FBLN2: variants seen among roughly 807,000 people sequenced by gnomAD.
FBLN2 encodes the protein fibulin-2.
Under a neutral mutation model 123.7 loss-of-function variants are expected in FBLN2, and 81 were observed. That is an observed-to-expected ratio of 0.65 (90% CI 0.55 to 0.79). FBLN2 has a LOEUF of 0.79. FBLN2 is among the 30% of genes least tolerant of loss of function. The pLI, the probability that FBLN2 is intolerant of heterozygous loss-of-function variation, is 0.00. For synonymous variants in FBLN2, 699 were observed against 701.4 expected (o/e 1.00, Z 0.05); for missense variants, 1,603 against 1,681.3 (o/e 0.95, Z 0.81).
chr3:13,549,467 C>T (rs899564968), intron 1 of FBLN2, among the ~76,000 whole-genome samples: 9 of 151,854 alleles, frequency 5.9e-5, no homozygotes, highest in Non-Finnish European at 1.2e-4. Flanking sequence ...GGCCAGGGGT[C>T]CGCGGGCGGG....
chr3:13,576,720 T>TCCC (rs111724365), intron 2 of FBLN2, among the ~76,000 whole-genome samples: 1,602 of 135,688 alleles, frequency 0.012, 88 homozygotes, highest in African/African-American at 0.042. Context: ...GTCAGGGGGA[T>TCCC]CCCCCCCCCC....
At chr3:13,616,029 C>A (rs138404126) in intron 5 of FBLN2, among the ~76,000 whole-genome samples, 230 of 152,270 alleles carry the variant, frequency 1.5e-3, no homozygotes, top group African/African-American at 5.4e-3. Context: ...AGAACAGATA[C>A]CTGGATCTCC....
Position 13,638,209 on chromosome 3 carries a change from C to T in FBLN2, c.*290C>T. On this transcript the variant is annotated 3_prime_UTR_variant, in exon 18 of 18. Transcript: ENST00000404922. ...GACCTGAGGACCAGAGACACGCGAC[C>T]ATGTTGGGGCTCTTGGACTCCTCTG... 1.6e-6 allele frequency: 1 copy of T among 608,774 alleles called. No homozygotes were observed. Among genetic ancestry groups the T allele is most frequent in the Non-Finnish European group, 3.0e-6 (1 of 334,828 alleles). 37.7% of individuals were successfully genotyped at this position (608,774 alleles called of 1,614,324 possible).
intron 2 of FBLN2, among the ~76,000 whole-genome samples, chr3:13,583,931 A>T (rs901240618): frequency 3.3e-5 from 5 of 152,154 alleles, no homozygotes; most frequent in African/African-American, 1.2e-4. Flanking sequence ...ACCCTTAGGG[A>T]TGAGGGTCCC....
chr3:13,637,101 T>C (rs1575006463), intron 17 of FBLN2, among the ~76,000 whole-genome samples: 1 of 152,104 alleles, frequency 6.6e-6, no homozygotes, highest in South Asian at 2.1e-4. Context: ...CGGCAGCCCC[T>C]TAACCTCACT....
Position 13,627,832 on chromosome 3 carries a change from A to G in FBLN2, c.2432A>G (p.Asp811Gly). The G allele has an allele frequency of 6.2e-7, 1 of 1,612,696 alleles. No individual in the cohort carries two copies. Among genetic ancestry groups the G allele is most frequent in the Non-Finnish European group, 8.5e-7 (1 of 1,179,410 alleles). The stretch of plus-strand genomic sequence containing the variant: ...TTGACACCCAGCCTCTCCGCTGCAG[A>G]CGTGGATGAGTGTGCGATGGGCACG... ...GYALKDGECEDVDECAMGTHT... is the reference protein window; with the variant it reads ...GYALKDGECEGVDECAMGTHT... The change falls in exon 11 of 18, where the codon GAC becomes GGC. Residue 811 changes from aspartate (D) to glycine (G), a missense_variant and splice_region_variant. Asp to Gly is a moderately conservative substitution (Grantham distance 94). Transcript: ENST00000404922.
In FBLN2 at chr3:13,570,747, G is replaced by T; in HGVS notation, c.392G>T (p.Cys131Phe). The change falls in exon 2 of 18, where the codon TGC (cysteine) becomes TTC (phenylalanine). Residue 131 changes from cysteine to phenylalanine, a missense_variant. By Grantham distance (205) the Cys-to-Phe change is radical (BLOSUM62 -2). Coordinates refer to ENST00000404922, the MANE Select transcript of FBLN2 (RefSeq NM_001004019.2). Reference protein sequence around the residue: ...CIEAVVVADSCPQCGQVGCVH... With the variant: ...CIEAVVVADSFPQCGQVGCVH... The stretch of plus-strand genomic sequence containing the variant: ...GAGGCTGTAGTGGTGGCTGACAGCT[G>T]CCCACAGTGCGGCCAGGTGGGCTGC... 2 of 1,601,078 alleles carry T rather than the reference G, an allele frequency of 1.2e-6. No homozygotes were observed. Among genetic ancestry groups the T allele is most frequent in the South Asian group, 1.1e-5 (1 of 89,760 alleles).
chr3:13,626,957 A>G (rs1706063757), intron 10 of FBLN2, among the ~76,000 whole-genome samples: 1 of 152,012 alleles, frequency 6.6e-6, no homozygotes, highest in South Asian at 2.1e-4. Flanking sequence ...TTCTAATCAG[A>G]GGGAGGGGTT....
chr3:13,613,853 C>T lies in FBLN2; in HGVS notation c.1549-131C>T, dbSNP rs1006718285. On this transcript the variant is annotated intron_variant, in intron 4 of 17. Coordinates refer to ENST00000404922, the MANE Select transcript of FBLN2 (RefSeq NM_001004019.2). The stretch of plus-strand genomic sequence containing the variant: ...AATAGAGGCAGAGGACCCCTCTGCC[C>T]TGGGAGAGCGCATAGTCTGGCAGAG... 5 of 1,027,580 alleles carry T rather than the reference C, an allele frequency of 4.9e-6. No homozygotes were observed. The African/African-American group carries it at 8.0e-5, about 17-fold the overall frequency. 63.7% of individuals were successfully genotyped at this position (1,027,580 alleles called of 1,614,324 possible).
intron 2 of FBLN2, among the ~76,000 whole-genome samples, chr3:13,598,298 T>A (rs1704912965): frequency 1.3e-5 from 2 of 152,204 alleles, no homozygotes. Flanking sequence ...TTGTGAAATT[T>A]GGGTGGGGAG....
At chr3:13,598,413 T>G (rs951576762) in intron 2 of FBLN2, among the ~76,000 whole-genome samples, 1 of 152,174 alleles carries the variant, frequency 6.6e-6, no homozygotes, top group African/African-American at 2.4e-5. Context: ...CACCTGTGCT[T>G]CCAGTGGTGG....
chr3:13,604,718 T>C (rs1574976030), intron 2 of FBLN2, among the ~76,000 whole-genome samples: 1 of 152,372 alleles, frequency 6.6e-6, no homozygotes, highest in Non-Finnish European at 1.5e-5. Flanking sequence ...ATGTTTGCTA[T>C]GTGCTTCTGG....
chr3:13,633,502 C>T (rs1575003394), intron 16 of FBLN2, among the ~76,000 whole-genome samples: 1 of 152,368 alleles, frequency 6.6e-6, no homozygotes, highest in African/African-American at 2.4e-5. Flanking sequence ...GTGGGGGCTG[C>T]CGGCTCCCCG....
At position 13,608,166 on chromosome 3, in the gene FBLN2, G is replaced by A. The variant is rs1188735811; in HGVS notation, c.1411G>A (p.Val471Ile). ...EIPESGTEDN[V>I]CRTAQRHCCV... is the part of the protein sequence containing the mutation. Reference sequence around the variant, plus strand: ...CCCTGAGAGTGGCACTGAGGACAACGTCTGCAGGTAGGGTGGGCTCCCTGG... The same window carrying A: ...CCCTGAGAGTGGCACTGAGGACAACATCTGCAGGTAGGGTGGGCTCCCTGG... Residue 471 changes from valine (V) to isoleucine (I), a missense_variant, in exon 3 of 18, where the codon GTC becomes ATC. Transcript: ENST00000404922. 8 of 1,582,996 alleles carry A rather than the reference G, an allele frequency of 5.1e-6. No homozygotes were observed. Among genetic ancestry groups the A allele is most frequent in the Middle Eastern group, 1.7e-4 (1 of 6,054 alleles).
intron 1 of FBLN2, among the ~76,000 whole-genome samples, chr3:13,550,128 A>G (rs1025596975): frequency 3.9e-5 from 6 of 152,062 alleles, no homozygotes; most frequent in African/African-American, 1.4e-4. Flanking sequence ...ACAGACCCCC[A>G]CGACTTCACA....
intron 2 of FBLN2, among the ~76,000 whole-genome samples, chr3:13,596,856 A>T (rs961206752): frequency 6.6e-6 from 1 of 151,684 alleles, no homozygotes; most frequent in African/African-American, 2.4e-5. Flanking sequence ...TTTTATTTTT[A>T]AAATTTATTA....
At chr3:13,612,861 GCTGGGTAA>G (rs1243028406) in intron 4 of FBLN2, among the ~76,000 whole-genome samples, 3 of 152,200 alleles carry the variant, frequency 2.0e-5, no homozygotes, top group African/African-American at 7.2e-5. Flanking sequence ...GTTAGCTGTT[GCTGGGTAA>G]CATACCATCC....
At chr3:13,604,448 A>G (rs2124874610) in intron 2 of FBLN2, among the ~76,000 whole-genome samples, 1 of 152,318 alleles carries the variant, frequency 6.6e-6, no homozygotes, top group South Asian at 2.1e-4. Flanking sequence ...AGCTTTCTAC[A>G]TATGGCTAGC....
chr3:13,589,038 A>C (rs1356479209), intron 2 of FBLN2, among the ~76,000 whole-genome samples: 1 of 152,172 alleles, frequency 6.6e-6, no homozygotes, highest in Non-Finnish European at 1.5e-5. Flanking sequence ...TGAAAGAGAG[A>C]ATTCATAGTT....
Sources: allele counts gnomAD v4.1 joint callset (sites outside exome capture counted in the v4.1 genomes callset), GRCh38; gene constraint gnomAD v4.1.1; transcripts MANE v1.5; gene names NCBI Gene and HGNC (gene_info 2026-07-23, HGNC 2026-07-21).